IL5RA: variants seen among roughly 807,000 people sequenced by gnomAD.
The protein encoded by IL5RA is interleukin-5 receptor subunit alpha.
Under a neutral mutation model 50.0 loss-of-function variants are expected in IL5RA, and 49 were observed. The observed-to-expected ratio is 0.98, with a 90% CI of 0.78 to 1.24. The LOEUF (loss-of-function observed/expected upper bound fraction) is 1.24. Among genes scored for constraint, IL5RA ranks in the 50% most tolerant of loss-of-function variants. IL5RA has a pLI of 0.00. For missense variants in IL5RA, 600 were observed against 500.4 expected (o/e 1.20, Z -1.90); for synonymous variants, 202 against 174.0 (o/e 1.16, Z -1.26).
At chr3:3,077,743 G>T (rs2125955605) in intron 9 of IL5RA, among the ~76,000 whole-genome samples, 1 of 152,230 alleles carries the variant, frequency 6.6e-6, no homozygotes, top group African/African-American at 2.4e-5. Flanking sequence ...ACTCCAGTCT[G>T]GGGGACAGAA....
intron 9 of IL5RA, among the ~76,000 whole-genome samples, chr3:3,079,852 G>C (rs1054764220): frequency 4.6e-5 from 7 of 152,122 alleles, no homozygotes; most frequent in Non-Finnish European, 1.0e-4. Flanking sequence ...TGGCCAACAT[G>C]GTGAAAGCCC....
intron 9 of IL5RA, among the ~76,000 whole-genome samples, chr3:3,088,775 T>C (rs1266119048): frequency 6.6e-6 from 1 of 152,264 alleles, no homozygotes; most frequent in East Asian, 1.9e-4. Flanking sequence ...TGAATACATA[T>C]AGAGAGAGGT....
intron 7 of IL5RA, 139 bp downstream of exon 7, chr3:3,097,731 C>G: frequency 1.1e-6 from 1 of 880,532 alleles, no homozygotes. Context: ...AGAACCTTGC[C>G]CCAGTGGTTT....
intron 3 of IL5RA, among the ~76,000 whole-genome samples, chr3:3,104,663 G>A (rs1406093732): frequency 6.6e-6 from 1 of 152,142 alleles, no homozygotes; most frequent in Admixed American, 6.5e-5. Context: ...ATTCCATGGT[G>A]CCCGGACACC....
At chr3:3,077,496 A>T (rs562562777) in intron 9 of IL5RA, among the ~76,000 whole-genome samples, 2 of 152,292 alleles carry the variant, frequency 1.3e-5, no homozygotes, top group East Asian at 3.9e-4. Context: ...AGCCAAGTGC[A>T]GTGGCTCACG....
In IL5RA at chr3:3,069,630, T is replaced by TTCTCTCTCTCTCTCTCGCTCTCTCTCTC. The variant is rs1702229618; in HGVS notation, c.*594_*595insGAGAGAGAGAGCGAGAGAGAGAGAGAGA. 1 of 147,000 alleles carries TTCTCTCTCTCTCTCTCGCTCTCTCTCTC rather than the reference T, an allele frequency of 6.8e-6. No homozygotes were observed. The highest frequency in any genetic ancestry group is 2.5e-5 in the African/African-American group (1 of 39,230). 9.1% of individuals were successfully genotyped at this position (147,000 alleles called of 1,614,324 possible). ...TCAGGCCTCTGGAGCTTGAGATAATTTCTCTCTCTCTCTCTCTCTCTCTCT... is the reference window on the plus strand; with the variant it reads ...TCAGGCCTCTGGAGCTTGAGATAATTTCTCTCTCTCTCTCTCGCTCTCTCTCTCTCTCTCTCTCTCTCTCTCTCTCTCT... On this transcript the variant is annotated 3_prime_UTR_variant, in exon 12 of 12. Coordinates refer to ENST00000446632, the MANE Select transcript of IL5RA (RefSeq NM_175726.4).
Position 3,092,138 on chromosome 3 carries a change from C to T in IL5RA, c.994+86G>A, listed in dbSNP as rs891434038. On this transcript the variant is annotated intron_variant, in intron 9 of 11. Coordinates refer to ENST00000446632, the MANE Select transcript of IL5RA (RefSeq NM_175726.4). This position sits in a 1 kb window ranked among gnomAD's most constrained non-coding sequence, Gnocchi z 4.2. ...ATAGAGATATGAAACCATTTTAAGA[C>T]CCACGAGTGAACGGGTACGTTTCTG... The T allele has an allele frequency of 6.5e-6, 10 of 1,545,262 alleles. No individual in the cohort carries two copies. The highest frequency in any genetic ancestry group is 2.0e-5 in the Admixed American group (1 of 49,808).
At chr3:3,102,653 A>G in intron 4 of IL5RA, 22 bp downstream of exon 4, 1 of 1,485,004 alleles carries the variant, frequency 6.7e-7, no homozygotes. Context: ...CAATAAGGAT[A>G]TCCATTAGAA....
chr3:3,093,619 CAT>C (rs1328518931), intron 8 of IL5RA, among the ~76,000 whole-genome samples: 1 of 152,194 alleles, frequency 6.6e-6, no homozygotes, highest in Non-Finnish European at 1.5e-5. Flanking sequence ...AAGTCCTTCT[CAT>C]GTTTTCTCAC....
Position 3,076,560 on chromosome 3 carries a change from G to C in IL5RA, c.1062C>G (p.Ile354Met), listed in dbSNP as rs1344849175. The change falls in exon 10 of 12, where the codon ATC (isoleucine) becomes ATG (methionine). Residue 354 changes from isoleucine to methionine, a missense_variant. Transcript: ENST00000446632. ...VIVIMATICFILLILSLICKI... is the reference protein window; with the variant it reads ...VIVIMATICFMLLILSLICKI... ...TACAGATAAGCGAGAGAATTAACAA[G>C]ATGAAGCAGATGGTTGCCATAATCA... 4.3e-6 allele frequency: 7 copies of C among 1,611,182 alleles called. No individual in the cohort carries two copies.
At chr3:3,077,157 C>T (rs1458984786) in intron 9 of IL5RA, among the ~76,000 whole-genome samples, 1 of 152,114 alleles carries the variant, frequency 6.6e-6, no homozygotes, top group Non-Finnish European at 1.5e-5. Flanking sequence ...TCAAAGCACC[C>T]CTTACCATTA....
rs373522108 is a variant in IL5RA at position 3,104,970 on chromosome 3, C to T, written c.15G>A (p.Ala5=). The T allele has an allele frequency of 3.6e-4, 577 of 1,610,644 alleles. No homozygotes were observed. The highest frequency in any genetic ancestry group is 4.6e-4 in the Non-Finnish European group (546 of 1,177,588). MIIV[A]HVLLILLGAT... ...CCCCCAAAAGGATGAGTAATACATG[C>T]GCCACGATGATCATATCCTACAGAA... The change falls in exon 3 of 12, where the codon GCG becomes GCA. Residue 5 remains alanine (A), a synonymous_variant. Coordinates refer to ENST00000446632, the MANE Select transcript of IL5RA (RefSeq NM_175726.4).
chr3:3,099,658 T>TTTATTTATTATTATTATTA (rs1553752869), intron 5 of IL5RA, among the ~76,000 whole-genome samples: 1 of 144,280 alleles, frequency 6.9e-6, no homozygotes, highest in Admixed American at 7.0e-5. Flanking sequence ...TTTTATTTTA[T>TTTATTTATTATTATTATTA]TTATTATTAT....
rs1702164009 is a variant in IL5RA at position 3,067,458 on chromosome 3, C to T, written c.*2767G>A. 1 of 152,234 alleles carries T rather than the reference C, an allele frequency of 6.6e-6. No individual in the cohort carries two copies. Among genetic ancestry groups the T allele is most frequent in the Non-Finnish European group, 1.5e-5 (1 of 68,074 alleles). 9.4% of individuals were successfully genotyped at this position (152,234 alleles called of 1,614,324 possible). ...ACACTGCAGATAAAAAGACGTATTT[C>T]ACACAAGCTCCATCCTCCTGGAAGC... On this transcript the variant is annotated 3_prime_UTR_variant, in exon 12 of 12. Transcript: ENST00000446632.
chr3:3,090,001 A>G, intron 9 of IL5RA: 1 of 518,210 alleles, frequency 1.9e-6, no homozygotes, highest in South Asian at 2.3e-5. Context: ...CCAGAGATCA[A>G]GTGCTAGAGT....
In IL5RA at chr3:3,070,154, C is replaced by G; in HGVS notation, c.*71G>C. On this transcript the variant is annotated 3_prime_UTR_variant, in exon 12 of 12. Transcript: ENST00000446632. ...ATTCTGAACACCTCTTAGCCAAGAG[C>G]CAGCATCCCTGTTCTTTTCACTGAG... 1 of 983,018 alleles carries G rather than the reference C, an allele frequency of 1.0e-6. No homozygotes were observed. Among genetic ancestry groups the G allele is most frequent in the Non-Finnish European group, 1.6e-6 (1 of 627,466 alleles). The allele number at this position is 983,018 out of a possible 1,614,324, so 60.9% of individuals were successfully genotyped here.
chr3:3,102,103 G>A (rs957311715), intron 4 of IL5RA, among the ~76,000 whole-genome samples: 2 of 152,064 alleles, frequency 1.3e-5, no homozygotes, highest in Non-Finnish European at 2.9e-5. Flanking sequence ...GGTCAATGTC[G>A]GACAGAAAAT....
intron 5 of IL5RA, among the ~76,000 whole-genome samples, chr3:3,100,300 C>T (rs1703584427): frequency 6.6e-6 from 1 of 152,136 alleles, no homozygotes; most frequent in Non-Finnish European, 1.5e-5. Context: ...GAGAGAGCCT[C>T]TTATTACCTG....
chr3:3,104,938 T>A lies in IL5RA; in HGVS notation c.47A>T (p.Glu16Val). The A allele has an allele frequency of 6.2e-7, 1 of 1,613,068 alleles. No homozygotes were observed. The highest frequency in any genetic ancestry group is 1.1e-5 in the South Asian group (1 of 91,042). ...AGGAAGTAAGTCAGCTTGCAGTATC[T>A]CAGTGGCCCCCAAAAGGATGAGTAA... ...HVLLILLGAT[E>V]ILQADLLPDE... Residue 16 changes from glutamate (E) to valine (V), a missense_variant, in exon 3 of 12, where the codon GAG becomes GTG. Transcript: ENST00000446632.
Sources: gnomAD v4.1 joint callset for allele counts (sites outside exome capture counted in the v4.1 genomes callset) on GRCh38, gnomAD v4.1.1 for gene constraint, Gnocchi (gnomAD v3.1) non-coding constraint, MANE v1.5 for transcripts, NCBI Gene and HGNC (gene_info 2026-07-23, HGNC 2026-07-21) for gene names.